DMTN: variants seen among roughly 807,000 people sequenced by gnomAD.
DMTN encodes dematin actin binding protein, also known as dematin.
A neutral mutation model predicts 59.4 loss-of-function variants in DMTN; 27 were observed. The ratio of observed to expected loss-of-function variants is 0.45; its 90% CI spans 0.33 to 0.63. The LOEUF (loss-of-function observed/expected upper bound fraction) is 0.63. Among genes scored for constraint, DMTN ranks in the 20% least tolerant of loss-of-function variants. The pLI, the probability that DMTN is intolerant of heterozygous loss-of-function variation, is 0.02. For missense variants in DMTN, 451 were observed against 528.9 expected (o/e 0.85, Z 1.45); for synonymous variants, 221 against 203.7 (o/e 1.08, Z -0.72).
At chr8:22,069,278 C>A in intron 5 of DMTN, 141 bp from the exon 6 acceptor site, 1 of 881,912 alleles carries the variant, frequency 1.1e-6, no homozygotes, top group Non-Finnish European at 1.7e-6. Flanking sequence ...GTCCTTGGAA[C>A]TGTGCCACAA....
chr8:22,051,903 C>T (rs965666256), upstream of DMTN, among the ~76,000 whole-genome samples: 1 of 152,334 alleles, frequency 6.6e-6, no homozygotes, highest in East Asian at 1.9e-4. Flanking sequence ...AACTCCTTAG[C>T]GTCATCTTTA....
chr8:22,067,752 C>T lies in DMTN; in HGVS notation c.249+70C>T, dbSNP rs2130934018. 4 of 1,553,682 alleles carry T rather than the reference C, an allele frequency of 2.6e-6. No homozygotes were observed. In the East Asian group the frequency reaches 9.0e-5, roughly 35 times the overall value. On this transcript the variant is annotated intron_variant, in intron 4 of 15. Coordinates refer to ENST00000358242, the MANE Select transcript of DMTN (RefSeq NM_001387751.1). Reference sequence around the variant, plus strand: ...CAGCCACACTGGGTGGGGACCGATCCCTCCCGTGCTTCCTTTCCTGGAGGT... The same window carrying T: ...CAGCCACACTGGGTGGGGACCGATCTCTCCCGTGCTTCCTTTCCTGGAGGT...
chr8:22,059,425 C>G (rs1247764107), intron 1 of DMTN: 4 of 152,264 alleles, frequency 2.6e-5, no homozygotes, highest in African/African-American at 7.2e-5. Flanking sequence ...GAGCCAGAGG[C>G]CCCCACACTC....
intron 5 of DMTN, 52 bp downstream of exon 5, chr8:22,069,112 C>T: frequency 6.3e-7 from 1 of 1,578,162 alleles, no homozygotes; most frequent in Non-Finnish European, 8.7e-7. Context: ...GAAGGGGATC[C>T]TAACTCCCTC....
intron 13 of DMTN, 72 bp downstream of exon 13, chr8:22,080,697 AG>A: frequency 1.9e-6 from 3 of 1,583,244 alleles, no homozygotes; most frequent in Non-Finnish European, 2.6e-6. Context: ...TGTCAGGGGA[AG>A]GGGGGTGTGG....
intron 15 of DMTN, 43 bp downstream of exon 15, chr8:22,081,236 G>C: frequency 6.2e-7 from 1 of 1,610,510 alleles, no homozygotes; most frequent in Non-Finnish European, 8.5e-7. Context: ...GGCTGTCCAC[G>C]GGCACTCTCC....
intron 14 of DMTN, 93 bp from the exon 15 acceptor site, chr8:22,081,020 C>T: frequency 6.7e-7 from 1 of 1,487,320 alleles, no homozygotes. Flanking sequence ...TGGCATGAAC[C>T]CCAGTGGCCT....
At chr8:22,081,286 C>T (rs1347835630) in intron 15 of DMTN, 64 bp from the exon 16 acceptor site, 1 of 1,595,830 alleles carries the variant, frequency 6.3e-7, no homozygotes, top group Non-Finnish European at 8.6e-7. Flanking sequence ...AGTGAGTGTC[C>T]CCTAGGTCAC....
intron 1 of DMTN, among the ~76,000 whole-genome samples, chr8:22,064,660 G>A (rs572572010): frequency 1.3e-5 from 2 of 152,294 alleles, no homozygotes; most frequent in Admixed American, 6.5e-5. Context: ...GGGTTTCACT[G>A]TGTTAGCCAG....
chr8:22,076,688 G>A (rs1020083602), intron 10 of DMTN, among the ~76,000 whole-genome samples: 6 of 151,526 alleles, frequency 4.0e-5, no homozygotes, highest in African/African-American at 1.5e-4. Flanking sequence ...TATATATAGT[G>A]ACATATATAT....
rs909261397 is a variant in DMTN, at chr8:22,073,231, G to A, written c.730-499G>A. ...CCCATTGTGGCCATGTGTCAGCCAC[G>A]AACAAGAGGCTCTGTGAGCTCCAGG... On this transcript the variant is annotated intron_variant, in intron 9 of 15. Transcript: ENST00000358242. Among the ~76,000 whole-genome samples, 17 of 152,290 alleles carry A rather than the reference G, an allele frequency of 1.1e-4. No individual in the cohort carries two copies. The East Asian group carries it at 2.7e-3, about 24-fold the overall frequency.
chr8:22,063,229 C>A (rs1807946054), intron 1 of DMTN, among the ~76,000 whole-genome samples: 2 of 152,178 alleles, frequency 1.3e-5, no homozygotes, highest in South Asian at 4.1e-4. Context: ...CAGATCCAGT[C>A]CTGCTTTGCA....
rs1227596736 is a variant in DMTN, at chr8:22,058,904, T to G, written c.-172+1768T>G. ...CCCAGAGCAGGCCTCAGCCTCCTGG[T>G]GTCCTTTTCCAGTGGCGGGGGGGTG... is the stretch of plus-strand genomic sequence containing the variant. On this transcript the variant is annotated intron_variant, in intron 1 of 15. Transcript: ENST00000358242. This position sits in a 1 kb window ranked among gnomAD's most constrained non-coding sequence, Gnocchi z 4.3. 6.6e-6 allele frequency among the ~76,000 whole-genome samples: 1 copy of G among 152,188 alleles called. No homozygotes were observed. The highest frequency in any genetic ancestry group is 1.9e-4 in the East Asian group (1 of 5,176).
intron 4 of DMTN, among the ~76,000 whole-genome samples, chr8:22,068,324 C>G (rs1466633061): frequency 1.3e-5 from 2 of 152,194 alleles, no homozygotes; most frequent in African/African-American, 2.4e-5. Flanking sequence ...ACCTATAATC[C>G]CAGCACTTTT....
rs376084791 is a variant in DMTN at position 22,069,403 on chromosome 8, C to A, written c.295-16C>A. The A allele has an allele frequency of 6.2e-7, 1 of 1,606,690 alleles. No individual in the cohort carries two copies. Among genetic ancestry groups the A allele is most frequent in the Non-Finnish European group, 8.5e-7 (1 of 1,176,442 alleles). ...GGGGGTTAGGGGCCCTGGAGCCACA[C>A]GCTTCTGCTCTGCAGGTGTGGGCGG... On this transcript the variant is annotated splice_polypyrimidine_tract_variant and intron_variant, in intron 5 of 15. Transcript: ENST00000358242.
In DMTN at chr8:22,058,725, C is replaced by A. The variant is rs1024998447; in HGVS notation, c.-172+1589C>A. Among the ~76,000 whole-genome samples, 3 of 152,198 alleles carry A rather than the reference C, an allele frequency of 2.0e-5. No individual in the cohort carries two copies. The highest frequency in any genetic ancestry group is 1.3e-4 in the Admixed American group (2 of 15,296). On this transcript the variant is annotated intron_variant, in intron 1 of 15. Coordinates refer to ENST00000358242, the MANE Select transcript of DMTN (RefSeq NM_001387751.1). This position sits in a 1 kb window ranked among gnomAD's most constrained non-coding sequence, Gnocchi z 4.3. ...CCCTGTAGTGCTGGGTTAGGGGAAC[C>A]CTCATCCCAGCAGACACAACGGTAA...
chr8:22,064,583 T>C (rs1052798067), intron 1 of DMTN, among the ~76,000 whole-genome samples: 1 of 152,108 alleles, frequency 6.6e-6, no homozygotes, highest in Non-Finnish European at 1.5e-5. Flanking sequence ...CTCAGCCTCC[T>C]GAGTAGCTGG....
At chr8:22,068,841 G>T (rs1812874274) in intron 4 of DMTN, among the ~76,000 whole-genome samples, 175 bp from the exon 5 acceptor site, 1 of 152,182 alleles carries the variant, frequency 6.6e-6, no homozygotes, top group Admixed American at 6.5e-5. Context: ...CCTGTGGGAA[G>T]GCTGAGGACT....
intron 14 of DMTN, 21 bp from the exon 15 acceptor site, chr8:22,081,092 T>TGGGGCG: frequency 6.5e-7 from 1 of 1,547,312 alleles, no homozygotes; most frequent in South Asian, 1.1e-5. Context: ...AGCCTAAGAT[T>TGGGGCG]GCCCCTCCCC....
Sources: allele counts gnomAD v4.1 joint callset (sites outside exome capture counted in the v4.1 genomes callset), GRCh38; gene constraint gnomAD v4.1.1; non-coding constraint Gnocchi (gnomAD v3.1); transcripts MANE v1.5; gene names NCBI Gene and HGNC (gene_info 2026-07-23, HGNC 2026-07-21).